Variants in ALMS1 observed in about 807,000 individuals in gnomAD.
ALMS1 encodes the protein ALMS1 centrosome and basal body associated protein, also known as centrosome-associated protein ALMS1.
ALMS1 carries 271 observed loss-of-function variants against 352.2 expected under a neutral mutation model. The ratio of observed to expected loss-of-function variants is 0.77; its 90% CI spans 0.70 to 0.85. The LOEUF (loss-of-function observed/expected upper bound fraction) is 0.85. Among genes scored for constraint, ALMS1 ranks in the 40% least tolerant of loss-of-function variants. The pLI, the probability that ALMS1 is intolerant of heterozygous loss-of-function variation, is 0.00. For synonymous variants in ALMS1, 1,865 were observed against 1,761.2 expected (o/e 1.06, Z -1.48); for missense variants, 5,445 against 4,870.7 (o/e 1.12, Z -3.51).
In ALMS1 at chr2:73,491,346, G is replaced by C; in HGVS notation, c.9387G>C (p.Gln3129His). 1 of 1,614,152 alleles carries C rather than the reference G, an allele frequency of 6.2e-7. No individual in the cohort carries two copies. The highest frequency in any genetic ancestry group is 8.5e-7 in the Non-Finnish European group (1 of 1,180,024). Residue 3129 changes from glutamine (Q) to histidine (H), a missense_variant, in exon 10 of 23, where the codon CAG (glutamine) becomes CAC (histidine). Gln to His is a conservative substitution (Grantham distance 24). Transcript: ENST00000613296. ...CTTCACTGGATTTCCAAGTCGTACA[G>C]CCTTCTCTTCCAGACAGTAACACTA... ...PKSSLDFQVV[Q>H]PSLPDSNTIT...
chr2:73,488,783 C>T (rs2103887032), intron 9 of ALMS1, among the ~76,000 whole-genome samples: 1 of 152,176 alleles, frequency 6.6e-6, no homozygotes, highest in Non-Finnish European at 1.5e-5. Context: ...AATAGAATGC[C>T]AAGTTATAAT....
At chr2:73,511,497 C>T (rs974976214) in intron 10 of ALMS1, among the ~76,000 whole-genome samples, 1 of 152,108 alleles carries the variant, frequency 6.6e-6, no homozygotes, top group Non-Finnish European at 1.5e-5. Context: ...GTGGGCTGCA[C>T]CCACTGTCTA....
intron 1 of ALMS1, among the ~76,000 whole-genome samples, chr2:73,400,994 C>G (rs951668917): frequency 6.6e-6 from 1 of 152,160 alleles, no homozygotes; most frequent in East Asian, 1.9e-4. Context: ...GCCACTTTGG[C>G]CAGGCTGGTC....
intron 9 of ALMS1, among the ~76,000 whole-genome samples, chr2:73,463,340 C>A (rs145017004): frequency 0.51 from 77,075 of 151,874 alleles, 22,486 homozygotes; most frequent in East Asian, 0.77. Context: ...ATAACCTGCT[C>A]CTGAATGACT....
chr2:73,396,333 C>T (rs955330693), intron 1 of ALMS1, among the ~76,000 whole-genome samples: 63 of 151,976 alleles, frequency 4.1e-4, no homozygotes, highest in Non-Finnish European at 1.8e-4. Context: ...CACACACACA[C>T]ACACACGCTT....
At chr2:73,608,412 C>T in intron 21 of ALMS1, 63 bp from the exon 22 acceptor site, 2 of 1,312,314 alleles carry the variant, frequency 1.5e-6, no homozygotes, top group Non-Finnish European at 2.2e-6. Flanking sequence ...GAGAGGAGAT[C>T]TCATGACTCT....
At position 73,564,042 on chromosome 2, in the gene ALMS1, CTG is replaced by C. The variant is rs370319620; in HGVS notation, c.10384+4912_10384+4913del. Among the ~76,000 whole-genome samples, 346 of 150,708 alleles carry C rather than the reference CTG, an allele frequency of 2.3e-3. 4 individuals are homozygous for C. Among genetic ancestry groups the C allele is most frequent in the African/African-American group, 6.3e-3 (258 of 41,080 alleles). ...TGAGGTTGATGTGGGGTGTGTGTGG[CTG>C]TGTGTGTGTGTCTGTGTGTGTGCAT... On this transcript the variant is annotated intron_variant, in intron 15 of 22. Transcript: ENST00000613296.
intron 21 of ALMS1, chr2:73,604,078 C>G (rs1167165284): frequency 6.6e-6 from 1 of 152,148 alleles, no homozygotes; most frequent in African/African-American, 2.4e-5. Context: ...GTATTTGTGC[C>G]TATGTAGATG....
chr2:73,609,442 A>G lies in ALMS1; in HGVS notation c.12463-126A>G. The G allele has an allele frequency of 4.4e-6, 4 of 907,848 alleles. No individual in the cohort carries two copies. In the Admixed American group the frequency reaches 7.3e-5, roughly 17 times the overall value. 56.2% of individuals were successfully genotyped at this position (907,848 alleles called of 1,614,324 possible). A position where few individuals can be genotyped will look rare whatever the true frequency, so the allele number is the denominator to read the frequency against. Reference sequence around the variant, plus strand: ...ACGACCATAGTTTCTGAAGCAGAGTAAAATGAACAAGATTTGAATAGGACC... The same window carrying G: ...ACGACCATAGTTTCTGAAGCAGAGTGAAATGAACAAGATTTGAATAGGACC... On this transcript the variant is annotated intron_variant, in intron 22 of 22. Transcript: ENST00000613296.
intron 2 of ALMS1, among the ~76,000 whole-genome samples, chr2:73,415,157 T>G (rs1469876040): frequency 2.6e-5 from 4 of 152,164 alleles, no homozygotes; most frequent in Non-Finnish European, 5.9e-5. Context: ...CCTCCCCACA[T>G]CTGTCAAAAA....
Position 73,600,572 on chromosome 2 carries a change from G to T in ALMS1, c.11669-106G>T, listed in dbSNP as rs1010574303. 4.8e-6 allele frequency: 5 copies of T among 1,042,438 alleles called. No homozygotes were observed. The African/African-American group carries it at 8.0e-5, about 17-fold the overall frequency. The allele number at this position is 1,042,438 out of a possible 1,614,324, so 64.6% of individuals were successfully genotyped here. ...CGCATCCCTCCATCCCACACAAAGG[G>T]ATTGTATTTTTGAAACATTAAAAAG... On this transcript the variant is annotated intron_variant, in intron 17 of 22. Transcript: ENST00000613296.
At chr2:73,483,974 T>C (rs1309435936) in intron 9 of ALMS1, among the ~76,000 whole-genome samples, 35 of 150,892 alleles carry the variant, frequency 2.3e-4, no homozygotes, top group East Asian at 3.9e-4. Context: ...TGTCTCTGCA[T>C]GTGAGATGGG....
intron 9 of ALMS1, among the ~76,000 whole-genome samples, chr2:73,476,452 T>C (rs1306142690): frequency 2.0e-5 from 3 of 152,090 alleles, no homozygotes; most frequent in Non-Finnish European, 4.4e-5. Context: ...CATTCTACTT[T>C]TAAGTTTTTG....
chr2:73,553,594 A>T (rs1674483843), intron 13 of ALMS1, among the ~76,000 whole-genome samples: 2 of 152,240 alleles, frequency 1.3e-5, no homozygotes. Context: ...AGTTTGTAAT[A>T]GAAAATAAAT....
rs1672880710 is a variant in ALMS1, at chr2:73,487,630, C to T, written c.7675-2004C>T. 2.6e-5 allele frequency among the ~76,000 whole-genome samples: 4 copies of T among 152,194 alleles called. No individual in the cohort carries two copies. The South Asian group carries it at 8.3e-4, about 32-fold the overall frequency. ...GCATGTTTCAGCCCTGTTTGTGTTA[C>T]AGCTCTTTTAGTCCCACCATTTGGT... On this transcript the variant is annotated intron_variant, in intron 9 of 22. Transcript: ENST00000613296.
At chr2:73,412,252 C>T (rs1006286866) in intron 2 of ALMS1, among the ~76,000 whole-genome samples, 1 of 152,216 alleles carries the variant, frequency 6.6e-6, no homozygotes, top group Non-Finnish European at 1.5e-5. Context: ...TGTAGTCAGT[C>T]ACTTCCCCAA....
intron 7 of ALMS1, among the ~76,000 whole-genome samples, chr2:73,441,242 C>T (rs1298430325): frequency 2.0e-5 from 3 of 152,198 alleles, no homozygotes; most frequent in Non-Finnish European, 4.4e-5. Flanking sequence ...CTTGAACCTA[C>T]TCTCTGGGTT....
intron 11 of ALMS1, among the ~76,000 whole-genome samples, chr2:73,526,626 A>G (rs1673797524): frequency 1.3e-5 from 2 of 152,076 alleles, no homozygotes; most frequent in African/African-American, 2.4e-5. Flanking sequence ...TGATTTTTGT[A>G]TGTTCATTTT....
intron 11 of ALMS1, among the ~76,000 whole-genome samples, chr2:73,525,449 A>G (rs1315883175): frequency 6.6e-6 from 1 of 152,118 alleles, no homozygotes; most frequent in Non-Finnish European, 1.5e-5. Flanking sequence ...GTTGTTGTAT[A>G]TCTTTTGAAT....
Sources: allele counts gnomAD v4.1 joint callset (sites outside exome capture counted in the v4.1 genomes callset), GRCh38; gene constraint gnomAD v4.1.1; transcripts MANE v1.5; gene names NCBI Gene and HGNC (gene_info 2026-07-23, HGNC 2026-07-21).